Variants in PPP3CA observed in about 807,000 individuals in gnomAD.
PPP3CA encodes the protein CAM-PRP catalytic subunit.
In PPP3CA, 14 loss-of-function variants were observed where a neutral mutation model predicts 66.5. That is an observed-to-expected ratio of 0.21 (90% CI 0.14 to 0.33). The LOEUF (loss-of-function observed/expected upper bound fraction) is 0.33. PPP3CA is among the 10% of genes least tolerant of loss of function. PPP3CA has a pLI of 1.00. For synonymous variants in PPP3CA, 232 were observed against 226.2 expected (o/e 1.03, Z -0.23); for missense variants, 317 against 639.5 (o/e 0.50, Z 5.44).
At chr4:101,339,567 A>C (rs956724314) in intron 1 of PPP3CA, among the ~76,000 whole-genome samples, 2 of 152,196 alleles carry the variant, frequency 1.3e-5, no homozygotes, top group African/African-American at 2.4e-5. Flanking sequence ...CTGGAGAAAG[A>C]AGCACTCCAA....
At chr4:101,133,933 A>G (rs575681802) in intron 2 of PPP3CA, among the ~76,000 whole-genome samples, 2 of 152,318 alleles carry the variant, frequency 1.3e-5, no homozygotes, top group South Asian at 4.1e-4. Context: ...GGCATCAGAA[A>G]TAACACCACA....
Position 101,028,887 on chromosome 4 carries a change from C to G in PPP3CA, c.1369+279G>C, listed in dbSNP as rs556436617. On this transcript the variant is annotated intron_variant, in intron 13 of 13. Coordinates refer to ENST00000394854, the MANE Select transcript of PPP3CA (RefSeq NM_000944.5). ...ACTGGTCAAAACAGCTGCCATAACC[C>G]CCACCCCACATCATTCAAAATATAT... 5.3e-5 allele frequency among the ~76,000 whole-genome samples: 8 copies of G among 152,202 alleles called. No homozygotes were observed. The South Asian group carries it at 1.7e-3, about 32-fold the overall frequency.
chr4:101,068,912 T>C (rs1179385682), intron 8 of PPP3CA, among the ~76,000 whole-genome samples: 1 of 152,198 alleles, frequency 6.6e-6, no homozygotes, highest in African/African-American at 2.4e-5. Context: ...CTTCAAGCCT[T>C]AAATTTTTAG....
intron 1 of PPP3CA, among the ~76,000 whole-genome samples, chr4:101,334,617 A>G (rs1440022307): frequency 6.6e-6 from 1 of 152,194 alleles, no homozygotes; most frequent in East Asian, 1.9e-4. Flanking sequence ...AATATCTATC[A>G]AAAAAGCAAT....
At chr4:101,189,770 A>G (rs1271592089) in intron 2 of PPP3CA, among the ~76,000 whole-genome samples, 1 of 151,870 alleles carries the variant, frequency 6.6e-6, no homozygotes, top group African/African-American at 2.4e-5. Flanking sequence ...TCCCCCAAAA[A>G]ACTATAAAAA....
At chr4:101,106,468 A>AGAAGAGAAGAGAAGAGAAG in intron 3 of PPP3CA, among the ~76,000 whole-genome samples, 1 of 46,126 alleles carries the variant, frequency 2.2e-5, no homozygotes, top group Admixed American at 1.7e-4. Context: ...AAGAAAAGAA[A>AGAAGAGAAGAGAAGAGAAG]AGAAAAGAAA....
At chr4:101,085,259 T>C (rs1475456766) in intron 6 of PPP3CA, among the ~76,000 whole-genome samples, 2 of 152,216 alleles carry the variant, frequency 1.3e-5, no homozygotes, top group Non-Finnish European at 2.9e-5. Flanking sequence ...AAGTATACTG[T>C]CTTGTTACCA....
intron 1 of PPP3CA, among the ~76,000 whole-genome samples, chr4:101,298,239 T>C (rs966309467): frequency 6.6e-6 from 1 of 151,886 alleles, no homozygotes; most frequent in Admixed American, 6.6e-5. Context: ...CCCAATGTCA[T>C]TCAGGACCCC....
chr4:101,156,722 G>A lies in PPP3CA; in HGVS notation c.259+39194C>T, dbSNP rs528634032. Among the ~76,000 whole-genome samples the A allele has an allele frequency of 2.2e-4, 33 of 152,078 alleles. 1 individual carries two copies. The South Asian group carries it at 6.6e-3, about 31-fold the overall frequency. ...GAGAAAGCCATACTCCAGGGACAAA[G>A]AACAAAGCAATTTGGCTAGATTTGA... On this transcript the variant is annotated intron_variant, in intron 2 of 13. Coordinates refer to ENST00000394854, the MANE Select transcript of PPP3CA (RefSeq NM_000944.5).
Position 101,177,585 on chromosome 4 carries a change from G to A in PPP3CA, c.259+18331C>T, listed in dbSNP as rs187372761. Among the ~76,000 whole-genome samples, 848 of 152,080 alleles carry A rather than the reference G, an allele frequency of 5.6e-3. 2 individuals are homozygous for A. The highest frequency in any genetic ancestry group is 0.024 in the Middle Eastern group (7 of 292). ...AACAAAACAACTATACTTTTACTTGGAACCAAAACAAATGTCAAACAACTC... is the reference window on the plus strand; with the variant it reads ...AACAAAACAACTATACTTTTACTTGAAACCAAAACAAATGTCAAACAACTC... On this transcript the variant is annotated intron_variant, in intron 2 of 13. Coordinates refer to ENST00000394854, the MANE Select transcript of PPP3CA (RefSeq NM_000944.5).
intron 1 of PPP3CA, among the ~76,000 whole-genome samples, chr4:101,309,212 A>G (rs1728641541): frequency 6.6e-6 from 1 of 152,202 alleles, no homozygotes; most frequent in African/African-American, 2.4e-5. Flanking sequence ...GTACTTTGAT[A>G]GCAAGGCCTT....
chr4:101,198,655 C>A (rs965205997), intron 1 of PPP3CA, among the ~76,000 whole-genome samples: 1 of 152,054 alleles, frequency 6.6e-6, no homozygotes, highest in Non-Finnish European at 1.5e-5. Context: ...TCTGAAAGTG[C>A]CAAAGCATTT....
chr4:101,302,086 A>C (rs1021552660), intron 1 of PPP3CA, among the ~76,000 whole-genome samples: 36 of 152,180 alleles, frequency 2.4e-4, no homozygotes, highest in Admixed American at 1.3e-4. Context: ...ATACTTTTAA[A>C]TATTTATTCC....
chr4:101,058,190 A>G (rs1334205644), intron 10 of PPP3CA, among the ~76,000 whole-genome samples: 1 of 152,174 alleles, frequency 6.6e-6, no homozygotes, highest in Non-Finnish European at 1.5e-5. Context: ...TCCCAATCTG[A>G]TAAGTTATAG....
intron 2 of PPP3CA, among the ~76,000 whole-genome samples, chr4:101,189,200 A>T (rs1333746911): frequency 6.6e-6 from 1 of 152,124 alleles, no homozygotes; most frequent in Non-Finnish European, 1.5e-5. Flanking sequence ...AAACACACAC[A>T]TATATAAACA....
chr4:101,210,806 G>A (rs775824332), intron 1 of PPP3CA, among the ~76,000 whole-genome samples: 21 of 151,982 alleles, frequency 1.4e-4, no homozygotes, highest in Middle Eastern at 3.4e-3. Context: ...CTTACAAGGC[G>A]GCCTACAAAT....
rs1188894227 is a variant in PPP3CA, at chr4:101,024,676, T to C, written c.*1189A>G. On this transcript the variant is annotated 3_prime_UTR_variant, in exon 14 of 14. Transcript: ENST00000394854. ...AGTTTCACATGTAACTACAAACTTA[T>C]TATAATTTCACAAGGTTTGCTAAAC... The C allele has an allele frequency of 6.6e-6, 1 of 152,642 alleles. No homozygotes were observed. The highest frequency in any genetic ancestry group is 1.5e-5 in the Non-Finnish European group (1 of 68,042). The allele number at this position is 152,642 out of a possible 1,614,324, so 9.5% of individuals were successfully genotyped here.
intron 1 of PPP3CA, among the ~76,000 whole-genome samples, chr4:101,260,127 C>T (rs565712211): frequency 2.6e-5 from 4 of 152,124 alleles, no homozygotes; most frequent in African/African-American, 4.8e-5. Flanking sequence ...GCTGCACAGG[C>T]TTCTGAATAC....
chr4:101,319,814 A>C (rs1204166154), intron 1 of PPP3CA, among the ~76,000 whole-genome samples: 2 of 152,190 alleles, frequency 1.3e-5, no homozygotes. Flanking sequence ...AATAAATAGC[A>C]TACTAAGAGT....
Sources: gnomAD v4.1 joint callset for allele counts (sites outside exome capture counted in the v4.1 genomes callset) on GRCh38, gnomAD v4.1.1 for gene constraint, MANE v1.5 for transcripts, NCBI Gene and HGNC (gene_info 2026-07-23, HGNC 2026-07-21) for gene names.